The following ME3 variants were observed in gnomAD, a reference collection of about 807,000 sequenced individuals.
ME3 encodes the protein malic enzyme 3.
In ME3, 48 loss-of-function variants were observed where a neutral mutation model predicts 68.9. The ratio of observed to expected loss-of-function variants is 0.70; its 90% CI spans 0.55 to 0.89. The LOEUF is 0.89. ME3 is among the 40% of genes least tolerant of loss of function. The pLI is 0.00. For missense variants in ME3, 675 were observed against 797.4 expected (o/e 0.85, Z 1.85); for synonymous variants, 320 against 318.8 (o/e 1.00, Z -0.04).
At chr11:86,508,857 T>G in exon 5 of ME3, 1 of 1,613,088 alleles carries the variant, frequency 6.2e-7, no homozygotes, top group South Asian at 1.1e-5. Flanking sequence ...TGAATGGTGA[T>G]GAACAGTCCA....
chr11:86,612,377 G>A (rs1375260130), intron 2 of ME3, among the ~76,000 whole-genome samples: 2 of 152,134 alleles, frequency 1.3e-5, no homozygotes, highest in African/African-American at 4.8e-5. Flanking sequence ...AAACATATGT[G>A]TGCATGTGTC....
intron 2 of ME3, among the ~76,000 whole-genome samples, chr11:86,637,093 C>T (rs756210785): frequency 1.3e-4 from 19 of 151,978 alleles, no homozygotes; most frequent in Non-Finnish European, 2.8e-4. Flanking sequence ...AGTAATGGTG[C>T]CTGTATCCAG....
intron 7 of ME3, among the ~76,000 whole-genome samples, chr11:86,482,244 C>G (rs1294488788): frequency 1.3e-5 from 2 of 152,030 alleles, no homozygotes; most frequent in East Asian, 3.9e-4. Context: ...AGTGTAGAGT[C>G]TCAGGTTATC....
chr11:86,625,800 G>A (rs1466261038), intron 2 of ME3, among the ~76,000 whole-genome samples: 1 of 152,156 alleles, frequency 6.6e-6, no homozygotes, highest in African/African-American at 2.4e-5. Context: ...AAACAAGATT[G>A]TCTGAGTTCA....
intron 2 of ME3, among the ~76,000 whole-genome samples, chr11:86,652,241 G>A (rs537393390): frequency 6.6e-6 from 1 of 152,224 alleles, no homozygotes; most frequent in East Asian, 1.9e-4. Context: ...GAAATACAGA[G>A]AATGCCACAA....
At chr11:86,442,768 G>C in intron 14 of ME3, 53 bp downstream of exon 14, 1 of 1,449,148 alleles carries the variant, frequency 6.9e-7, no homozygotes, top group Non-Finnish European at 9.7e-7. Flanking sequence ...GTCACAGACA[G>C]AGAAAGTGGT....
intron 2 of ME3, among the ~76,000 whole-genome samples, chr11:86,578,035 G>A (rs1014197270): frequency 6.6e-6 from 1 of 152,298 alleles, no homozygotes; most frequent in Middle Eastern, 3.4e-3. Flanking sequence ...CTTTTCAAGA[G>A]AAATTTCATA....
intron 7 of ME3, among the ~76,000 whole-genome samples, chr11:86,475,868 T>TAGAGAGAGAG (rs1280724738): frequency 2.3e-4 from 25 of 109,646 alleles, no homozygotes; most frequent in African/African-American, 7.6e-4. Context: ...TATATATATA[T>TAGAGAGAGAG]ATATATAGAG....
At chr11:86,440,775 C>T (rs895583461), downstream of ME3, among the ~76,000 whole-genome samples, 1 of 152,148 alleles carries the variant, frequency 6.6e-6, no homozygotes, top group African/African-American at 2.4e-5. Flanking sequence ...TTCTTCATCT[C>T]CCCATGACTC....
At chr11:86,672,295 T>A (rs578203416) in intron 1 of ME3, 29 bp downstream of exon 1, 9 of 230,348 alleles carry the variant, frequency 3.9e-5, no homozygotes, top group Non-Finnish European at 7.5e-5. Flanking sequence ...CGTGGTGGCT[T>A]GCCTCGGTCC....
chr11:86,499,903 T>C (rs572084073), intron 5 of ME3, among the ~76,000 whole-genome samples: 1 of 152,356 alleles, frequency 6.6e-6, no homozygotes, highest in African/African-American at 2.4e-5. Context: ...TGCCTGGCAC[T>C]GGCTGGATGT....
At chr11:86,512,835 T>C in intron 4 of ME3, among the ~76,000 whole-genome samples, 1 of 152,104 alleles carries the variant, frequency 6.6e-6, no homozygotes, top group East Asian at 1.9e-4. Flanking sequence ...GAATATGCCA[T>C]CCTAAAATGT....
intron 2 of ME3, among the ~76,000 whole-genome samples, chr11:86,591,716 C>A (rs1431714546): frequency 6.6e-6 from 1 of 152,122 alleles, no homozygotes; most frequent in East Asian, 1.9e-4. Flanking sequence ...AGGAGCAAGT[C>A]GCATTTTATG....
At chr11:86,572,117 C>A (rs1041817994) in intron 2 of ME3, among the ~76,000 whole-genome samples, 1 of 152,126 alleles carries the variant, frequency 6.6e-6, no homozygotes, top group South Asian at 2.1e-4. Flanking sequence ...ATCTTTCTTC[C>A]CAGAAGCCCA....
intron 2 of ME3, among the ~76,000 whole-genome samples, chr11:86,577,350 C>G (rs1421500990): frequency 6.6e-6 from 1 of 152,166 alleles, no homozygotes; most frequent in Non-Finnish European, 1.5e-5. Flanking sequence ...GACTGCCAAC[C>G]CCAACCTTAG....
chr11:86,529,400 G>A (rs1955027477), intron 4 of ME3, among the ~76,000 whole-genome samples: 2 of 152,134 alleles, frequency 1.3e-5, no homozygotes, highest in Admixed American at 1.3e-4. Context: ...AGGACCAGAT[G>A]GATTCACAGC....
chr11:86,556,789 C>T, intron 3 of ME3, 87 bp from the exon 4 acceptor site: 1 of 1,435,062 alleles, frequency 7.0e-7, no homozygotes, highest in Non-Finnish European at 9.6e-7. Context: ...CCCAAGGCTC[C>T]TGTTCCTGCT....
intron 8 of ME3, chr11:86,464,022 G>C (rs1435941262): frequency 5.0e-6 from 2 of 400,252 alleles, no homozygotes; most frequent in African/African-American, 4.2e-5. Flanking sequence ...AGCGTTCAGC[G>C]ATTAACCTTA....
At chr11:86,491,981 C>T (rs539905148) in intron 6 of ME3, among the ~76,000 whole-genome samples, 9 of 152,268 alleles carry the variant, frequency 5.9e-5, no homozygotes, top group East Asian at 5.8e-4. Context: ...TTGGAGGCAA[C>T]GTGCCGCAGG....
Sources: allele counts gnomAD v4.1 joint callset (sites outside exome capture counted in the v4.1 genomes callset), GRCh38; gene constraint gnomAD v4.1.1; transcripts MANE v1.5; gene names NCBI Gene and HGNC (gene_info 2026-07-23, HGNC 2026-07-21).